Variants in SLIT3 observed in about 807,000 individuals in gnomAD.
The protein encoded by SLIT3 is slit homolog 3 protein.
A neutral mutation model predicts 184.0 loss-of-function variants in SLIT3; 68 were observed. The observed-to-expected ratio is 0.37, with a 90% CI of 0.30 to 0.45. SLIT3 has a LOEUF of 0.45. Among genes scored for constraint, SLIT3 ranks in the 20% least tolerant of loss-of-function variants. The pLI, the probability that SLIT3 is intolerant of heterozygous loss-of-function variation, is 1.00. For missense variants in SLIT3, 1,707 were observed against 2,026.0 expected, an observed-to-expected ratio of 0.84 and a Z score of 3.02; for synonymous variants, 831 against 828.6, an observed-to-expected ratio of 1.00 and a Z score of -0.05.
rs1767637202 is a variant in SLIT3 at position 169,300,149 on chromosome 5, C to G, written c.197+364G>C. Among the ~76,000 whole-genome samples, 1 of 152,206 alleles carries G rather than the reference C, an allele frequency of 6.6e-6. No individual in the cohort carries two copies. Among genetic ancestry groups the G allele is most frequent in the Admixed American group, 6.5e-5 (1 of 15,292 alleles). ...TCCTATAGCTTTCTCCTTCGCCCGC[C>G]CCCCTTTTTAACGAGCGCAGACCCC... On this transcript the variant is annotated intron_variant, in intron 1 of 35. Transcript: ENST00000519560. This position sits in a 1 kb window ranked among gnomAD's most constrained non-coding sequence, Gnocchi z 4.1.
At chr5:169,298,989 A>T (rs1767597152) in intron 1 of SLIT3, among the ~76,000 whole-genome samples, 1 of 152,228 alleles carries the variant, frequency 6.6e-6, no homozygotes, top group African/African-American at 2.4e-5. Flanking sequence ...ATAGGTATCT[A>T]AAAATACCAC....
rs189545293 is a variant in SLIT3, at chr5:169,008,259, T to G, written c.414-124923A>C. Among the ~76,000 whole-genome samples the G allele has an allele frequency of 3.9e-5, 6 of 152,240 alleles. No homozygotes were observed. In the East Asian group the frequency reaches 9.6e-4, roughly 24 times the overall value. On this transcript the variant is annotated intron_variant, in intron 4 of 35. Coordinates refer to ENST00000519560, the MANE Select transcript of SLIT3 (RefSeq NM_003062.4). Reference sequence around the variant, plus strand: ...CATAGAAAAGGGATCTCTAGACTCATGAAAAAAAGCAAATGATTCCTGTGG... The same window carrying G: ...CATAGAAAAGGGATCTCTAGACTCAGGAAAAAAAGCAAATGATTCCTGTGG...
rs550120128 is a variant in SLIT3 at position 169,198,647 on chromosome 5, C to G, written c.342-5097G>C. Reference sequence around the variant, plus strand: ...AATCTGGTTTGAATTTTAAAAAGTTCTCCTGGCCGGGCGTGGTGGCTCATG... The same window carrying G: ...AATCTGGTTTGAATTTTAAAAAGTTGTCCTGGCCGGGCGTGGTGGCTCATG... On this transcript the variant is annotated intron_variant, in intron 3 of 35. Coordinates refer to ENST00000519560, the MANE Select transcript of SLIT3 (RefSeq NM_003062.4). Among the ~76,000 whole-genome samples, 253 of 152,170 alleles carry G rather than the reference C, an allele frequency of 1.7e-3. 1 individual carries two copies. The highest frequency in any genetic ancestry group is 5.9e-3 in the African/African-American group (246 of 41,534).
chr5:168,755,420 T>TC (rs1491366540), intron 16 of SLIT3, among the ~76,000 whole-genome samples: 2 of 45,516 alleles, frequency 4.4e-5, no homozygotes, highest in Non-Finnish European at 8.1e-5. Context: ...TTTCTTTCTT[T>TC]CTTTCTTTCT....
intron 4 of SLIT3, among the ~76,000 whole-genome samples, chr5:169,183,391 T>G (rs1763233118): frequency 6.6e-6 from 1 of 152,226 alleles, no homozygotes. Flanking sequence ...TGTACCACCA[T>G]GGCCAAGATT....
intron 4 of SLIT3, among the ~76,000 whole-genome samples, chr5:169,169,284 C>T (rs1762743982): frequency 6.6e-6 from 1 of 152,224 alleles, no homozygotes; most frequent in African/African-American, 2.4e-5. Flanking sequence ...AATATATTAC[C>T]CTGAGCACCA....
At chr5:168,827,006 C>T (rs1044772677) in intron 6 of SLIT3, among the ~76,000 whole-genome samples, 7 of 152,172 alleles carry the variant, frequency 4.6e-5, no homozygotes, top group South Asian at 4.1e-4. Flanking sequence ...TCAGGTGATC[C>T]GCCTGCCTAG....
chr5:168,930,951 C>T (rs111375056), intron 4 of SLIT3, among the ~76,000 whole-genome samples: 15 of 152,252 alleles, frequency 9.9e-5, no homozygotes, highest in Admixed American at 1.3e-4. Flanking sequence ...GGATAAATAC[C>T]GCAAATCCAC....
At chr5:169,261,670 C>A (rs1345839282) in intron 1 of SLIT3, among the ~76,000 whole-genome samples, 1 of 152,180 alleles carries the variant, frequency 6.6e-6, no homozygotes, top group Non-Finnish European at 1.5e-5. Flanking sequence ...AAAGAAGTTC[C>A]TTTTAAGGAA....
chr5:168,858,894 C>CA (rs1452562304), intron 5 of SLIT3, among the ~76,000 whole-genome samples: 1 of 152,064 alleles, frequency 6.6e-6, no homozygotes, highest in African/African-American at 2.4e-5. Context: ...GGGCTGGGTG[C>CA]AGGGGGTGCA....
chr5:169,033,251 C>T (rs1381193447), intron 4 of SLIT3, among the ~76,000 whole-genome samples: 1 of 152,110 alleles, frequency 6.6e-6, no homozygotes, highest in African/African-American at 2.4e-5. Context: ...ACACAGTGCA[C>T]TCCAGGCTCG....
chr5:168,972,606 G>C (rs1196301175), intron 4 of SLIT3, among the ~76,000 whole-genome samples: 4 of 151,998 alleles, frequency 2.6e-5, no homozygotes, highest in Non-Finnish European at 5.9e-5. Flanking sequence ...TTACCTTTGA[G>C]GTAGGGCCGA....
At chr5:168,892,916 T>C (rs990591249) in intron 4 of SLIT3, among the ~76,000 whole-genome samples, 1 of 152,200 alleles carries the variant, frequency 6.6e-6, no homozygotes, top group Admixed American at 6.5e-5. Flanking sequence ...GCTCTCATTA[T>C]CAGCCCAATT....
At chr5:169,083,583 C>A (rs549313120) in intron 4 of SLIT3, among the ~76,000 whole-genome samples, 32 of 152,212 alleles carry the variant, frequency 2.1e-4, no homozygotes, top group South Asian at 6.2e-4. Flanking sequence ...AAAGGGGAGC[C>A]TCTCCAGCAT....
intron 4 of SLIT3, among the ~76,000 whole-genome samples, chr5:169,010,623 C>T (rs1462913806): frequency 6.6e-6 from 1 of 152,134 alleles, no homozygotes; most frequent in Non-Finnish European, 1.5e-5. Context: ...GCCTTTTGGT[C>T]AGGTGTGGTG....
At chr5:168,929,766 T>C (rs1761933354) in intron 4 of SLIT3, among the ~76,000 whole-genome samples, 1 of 152,208 alleles carries the variant, frequency 6.6e-6, no homozygotes, top group African/African-American at 2.4e-5. Context: ...CTGCAAATAG[T>C]TCATACTGGC....
intron 9 of SLIT3, among the ~76,000 whole-genome samples, chr5:168,796,852 T>C (rs1169133609): frequency 6.6e-6 from 1 of 152,020 alleles, no homozygotes; most frequent in East Asian, 1.9e-4. Context: ...TCTCAGCTGC[T>C]AATGTGGAAT....
rs756780942 is a variant in SLIT3 at position 168,708,009 on chromosome 5, C to T, written c.2811G>A (p.Glu937=). Residue 937 remains glutamate (E), a synonymous_variant, in exon 26 of 36, where the codon GAG becomes GAA. Transcript: ENST00000519560. The part of the protein sequence containing the change: ...NNGTCTQDPV[E]LYRCACPYSY... ...TGTAGGGGCAGGCACAGCGGTACAG[C>T]TCCACAGGGTCCTGGGTGCATGTCC... The T allele has an allele frequency of 1.2e-6, 2 of 1,614,070 alleles. No individual in the cohort carries two copies. Among genetic ancestry groups the T allele is most frequent in the Non-Finnish European group, 1.7e-6 (2 of 1,180,028 alleles).
intron 5 of SLIT3, among the ~76,000 whole-genome samples, chr5:168,858,773 G>A (rs952579229): frequency 1.3e-5 from 2 of 152,152 alleles, no homozygotes; most frequent in African/African-American, 2.4e-5. Flanking sequence ...ATCACCAAAG[G>A]TTTCGATTTT....
Sources: gnomAD v4.1 joint callset for allele counts (sites outside exome capture counted in the v4.1 genomes callset) on GRCh38, gnomAD v4.1.1 for gene constraint, Gnocchi (gnomAD v3.1) non-coding constraint, MANE v1.5 for transcripts, NCBI Gene and HGNC (gene_info 2026-07-23, HGNC 2026-07-21) for gene names.